Variants in WASHC3 observed in about 807,000 individuals in gnomAD.
WASHC3 encodes WASH complex subunit CCDC53.
In WASHC3, 24 loss-of-function variants were observed where a neutral mutation model predicts 26.1. That is an observed-to-expected ratio of 0.92 (90% confidence interval 0.66 to 1.29). WASHC3 has a LOEUF of 1.29. Among genes scored for constraint, WASHC3 ranks in the 50% most tolerant of loss-of-function variants. The probability of loss-of-function intolerance (pLI) is 0.00; values close to 1 mark genes in which losing one functional copy is unlikely to be tolerated. For missense variants in WASHC3, 214 were observed against 229.6 expected (o/e 0.93, Z 0.44); for synonymous variants, 77 against 75.7 (o/e 1.02, Z -0.09).
At chr12:102,037,504 A>G (rs1877717644) in intron 5 of WASHC3, among the ~76,000 whole-genome samples, 2 of 152,198 alleles carry the variant, frequency 1.3e-5, no homozygotes, top group Admixed American at 6.5e-5. Context: ...TGAGGGAGCA[A>G]ACCATGAAGA....
At chr12:102,062,000 AC>A (rs1197621313), upstream of WASHC3, 8 of 1,560,764 alleles carry the variant, frequency 5.1e-6, no homozygotes, top group Admixed American at 9.2e-5. Flanking sequence ...TCACCCACAA[AC>A]CCCTCCCAGA....
intron 1 of WASHC3, 23 bp downstream of exon 1, chr12:102,061,889 G>C: frequency 6.3e-7 from 1 of 1,584,428 alleles, no homozygotes; most frequent in Non-Finnish European, 8.6e-7. Flanking sequence ...CTCGTCGGGA[G>C]TCTAGCACCG....
At chr12:102,045,252 C>G (rs1045957143) in intron 3 of WASHC3, among the ~76,000 whole-genome samples, 3 of 152,072 alleles carry the variant, frequency 2.0e-5, no homozygotes, top group African/African-American at 7.2e-5. Context: ...ATGTTCAAGA[C>G]CGGGTTTCCA....
rs1761000862 is a variant in WASHC3, at chr12:102,012,947, G to A, written c.*161C>T. On this transcript the variant is annotated 3_prime_UTR_variant, in exon 7 of 7. Transcript: ENST00000240079. ...ATTTTAGCAACAAGACATACTGGCA[G>A]GTTAAAACTGCTTTATTATTATTTT... 13 of 498,052 alleles carry A rather than the reference G, an allele frequency of 2.6e-5. No homozygotes were observed. The East Asian group carries it at 4.4e-4, about 17-fold the overall frequency. 30.9% of individuals were successfully genotyped at this position (498,052 alleles called of 1,614,324 possible).
intron 5 of WASHC3, among the ~76,000 whole-genome samples, chr12:102,030,764 T>G (rs1027441463): frequency 1.3e-5 from 2 of 152,192 alleles, no homozygotes; most frequent in South Asian, 2.1e-4. Context: ...GAGGCATATA[T>G]AGTATTACCA....
At chr12:102,050,453 AAC>A (rs58251617) in intron 2 of WASHC3, 104,491 of 329,374 alleles carry the variant, frequency 0.32, 7,167 homozygotes, top group Middle Eastern at 0.36. Flanking sequence ...TGCCATCTCT[AAC>A]ACACACACAC....
intron 5 of WASHC3, among the ~76,000 whole-genome samples, chr12:102,032,887 A>G (rs1877494325): frequency 6.6e-6 from 1 of 152,122 alleles, no homozygotes; most frequent in African/African-American, 2.4e-5. Context: ...TAATCTAATC[A>G]TTGTTTTATC....
At chr12:102,049,257 C>T (rs73183995) in intron 2 of WASHC3, among the ~76,000 whole-genome samples, 1,806 of 152,342 alleles carry the variant, frequency 0.012, 21 homozygotes, top group Middle Eastern at 0.031. Context: ...CACCTCTAGA[C>T]ATAGCCATAT....
chr12:102,044,069 C>T, intron 4 of WASHC3, 36 bp downstream of exon 4: 1 of 1,142,272 alleles, frequency 8.8e-7, no homozygotes, highest in South Asian at 1.4e-5. Flanking sequence ...TCAGTTTCAA[C>T]CAAGAACATC....
chr12:102,042,384 C>G (rs1474989509), intron 4 of WASHC3, among the ~76,000 whole-genome samples: 2 of 152,038 alleles, frequency 1.3e-5, no homozygotes, highest in Admixed American at 6.5e-5. Flanking sequence ...TCTACAGGGC[C>G]TCATACCACG....
At chr12:102,060,532 C>T (rs1273294899) in intron 2 of WASHC3, among the ~76,000 whole-genome samples, 4 of 152,072 alleles carry the variant, frequency 2.6e-5, no homozygotes, top group Non-Finnish European at 4.4e-5. Context: ...ATATTTGATG[C>T]CAAAGTTATG....
chr12:102,059,571 C>T (rs1381686477), intron 2 of WASHC3: 3 of 152,042 alleles, frequency 2.0e-5, no homozygotes, highest in Non-Finnish European at 4.4e-5. Context: ...ATCTAGTTGT[C>T]AGTAAACAGC....
In WASHC3 at chr12:102,047,252, T is replaced by C. The variant is rs139091600; in HGVS notation, c.151-1133A>G. Among the ~76,000 whole-genome samples, 814 of 152,300 alleles carry C rather than the reference T, an allele frequency of 5.3e-3. 10 individuals are homozygous for C. Among genetic ancestry groups the C allele is most frequent in the African/African-American group, 0.018 (761 of 41,562 alleles). On this transcript the variant is annotated intron_variant, in intron 2 of 6. Transcript: ENST00000240079. ...GCAGATACACAGCATCCTGATTGTA[T>C]TCTGGGATATTATTAAGATCCTGAC...
At chr12:102,055,872 GT>G (rs1169194332) in intron 2 of WASHC3, among the ~76,000 whole-genome samples, 9 of 152,058 alleles carry the variant, frequency 5.9e-5, no homozygotes, top group East Asian at 1.9e-4. Flanking sequence ...ATTTAAAATA[GT>G]TTTTTTTAAC....
chr12:102,023,066 T>C lies in WASHC3; in HGVS notation c.500+2908A>G, dbSNP rs147498930. On this transcript the variant is annotated intron_variant, in intron 6 of 6. Transcript: ENST00000240079. ...AACTTGAATTTTTAAAAACAAACAA[T>C]CACTTAGAAGAATCAAATCCAATAT... 9.9e-5 allele frequency among the ~76,000 whole-genome samples: 15 copies of C among 152,166 alleles called. No homozygotes were observed. The East Asian group carries it at 2.9e-3, about 29-fold the overall frequency.
rs114516827 is a variant in WASHC3 at position 102,051,697 on chromosome 12, A to T, written c.151-5578T>A. On this transcript the variant is annotated intron_variant, in intron 2 of 6. Coordinates refer to ENST00000240079, the MANE Select transcript of WASHC3 (RefSeq NM_016053.4). ...CTATCTGTGTATGTGCAGCTAATGC[A>T]GCTACAACTACTGGGGGCATGCAAA... is the stretch of plus-strand genomic sequence containing the variant. 1.4e-3 allele frequency among the ~76,000 whole-genome samples: 206 copies of T among 152,364 alleles called. 1 individual carries two copies. The highest frequency in any genetic ancestry group is 4.7e-3 in the African/African-American group (197 of 41,574).
At chr12:102,021,971 T>C (rs1341918161) in intron 6 of WASHC3, among the ~76,000 whole-genome samples, 1 of 152,194 alleles carries the variant, frequency 6.6e-6, no homozygotes, top group Non-Finnish European at 1.5e-5. Flanking sequence ...TCTGGGAGGA[T>C]GGTATAAATG....
chr12:102,060,446 G>T (rs1308613845), intron 2 of WASHC3, among the ~76,000 whole-genome samples: 1 of 152,094 alleles, frequency 6.6e-6, no homozygotes, highest in East Asian at 1.9e-4. Context: ...TGCCAGTTCT[G>T]GTACCTAATC....
chr12:102,027,566 A>C (rs10778165), intron 5 of WASHC3, among the ~76,000 whole-genome samples: 46,512 of 152,038 alleles, frequency 0.31, 7,538 homozygotes, highest in East Asian at 0.42. Flanking sequence ...TTTTTTTAAT[A>C]AGAAAATTTT....
Sources: gnomAD v4.1 joint callset for allele counts (sites outside exome capture counted in the v4.1 genomes callset) on GRCh38, gnomAD v4.1.1 for gene constraint, MANE v1.5 for transcripts, NCBI Gene and HGNC (gene_info 2026-07-23, HGNC 2026-07-21) for gene names.